The following HECW2 variants were observed in gnomAD, a reference collection of about 807,000 sequenced individuals.
The protein encoded by HECW2 is E3 ubiquitin-protein ligase HECW2.
In HECW2, 61 loss-of-function variants were observed where a neutral mutation model predicts 175.2. That is an observed-to-expected ratio of 0.35 (90% confidence interval 0.28 to 0.43). The LOEUF is 0.43. Ranked by LOEUF, HECW2 falls within the 20% of genes least tolerant of loss-of-function variation. HECW2 has a pLI of 1.00. For synonymous variants in HECW2, 671 were observed against 731.0 expected (o/e 0.92, Z 1.32); for missense variants, 1,524 against 2,000.5 (o/e 0.76, Z 4.54).
chr2:196,216,530 CA>C (rs11295664), intron 27 of HECW2, among the ~76,000 whole-genome samples: 35,534 of 136,156 alleles, frequency 0.26, 4,400 homozygotes, highest in East Asian at 0.46. Context: ...ACACCACACG[CA>C]AAAAAAAAAA....
At chr2:196,560,672 A>T (rs1056794928) in intron 1 of HECW2, among the ~76,000 whole-genome samples, 1 of 152,212 alleles carries the variant, frequency 6.6e-6, no homozygotes, top group Non-Finnish European at 1.5e-5. Context: ...GACTCTGCAG[A>T]CATTTCCTTG....
chr2:196,216,761 C>T (rs1441157857), intron 27 of HECW2, among the ~76,000 whole-genome samples: 1 of 152,242 alleles, frequency 6.6e-6, no homozygotes, highest in South Asian at 2.1e-4. Context: ...GATGTTGTTA[C>T]TGGGATTCTT....
chr2:196,339,003 C>T (rs1217263634), intron 3 of HECW2, among the ~76,000 whole-genome samples: 1 of 152,198 alleles, frequency 6.6e-6, no homozygotes, highest in East Asian at 1.9e-4. Flanking sequence ...AATGGCCAGG[C>T]TTTCCTCTGC....
In HECW2 at chr2:196,195,477, C is replaced by T. The variant is rs112684451; in HGVS notation, c.*5800G>A. On this transcript the variant is annotated 3_prime_UTR_variant, in exon 29 of 29. Coordinates refer to ENST00000644978, the MANE Select transcript of HECW2 (RefSeq NM_001348768.2). ...CTTATTCTGCTGAGCTGTTCAATTA[C>T]GAAAGCCAAATAAACGACTCTGCAG... 4 of 152,150 alleles carry T rather than the reference C, an allele frequency of 2.6e-5. No individual in the cohort carries two copies. The highest frequency in any genetic ancestry group is 1.9e-4 in the East Asian group (1 of 5,190). The allele number at this position is 152,150 out of a possible 1,614,324, so 9.4% of individuals were successfully genotyped here. A position where few individuals can be genotyped will look rare whatever the true frequency, so the allele number is the denominator to read the frequency against.
chr2:196,207,467 G>A (rs1424221377), intron 28 of HECW2, among the ~76,000 whole-genome samples: 2 of 152,162 alleles, frequency 1.3e-5, no homozygotes. Flanking sequence ...GAGGTTTAGA[G>A]CAGAAATTCC....
chr2:196,403,530 T>A (rs975226319), intron 2 of HECW2, among the ~76,000 whole-genome samples: 1 of 152,246 alleles, frequency 6.6e-6, no homozygotes, highest in African/African-American at 2.4e-5. Context: ...TGCAGCTCAT[T>A]TCTGCAAAAT....
At chr2:196,364,299 T>C (rs1693686038) in intron 2 of HECW2, among the ~76,000 whole-genome samples, 1 of 152,236 alleles carries the variant, frequency 6.6e-6, no homozygotes, top group African/African-American at 2.4e-5. Flanking sequence ...TAAGACACTA[T>C]CATAATGGAA....
chr2:196,394,354 T>C (rs1468233273), intron 2 of HECW2, among the ~76,000 whole-genome samples: 1 of 152,164 alleles, frequency 6.6e-6, no homozygotes, highest in Non-Finnish European at 1.5e-5. Flanking sequence ...AGGTGGTAAA[T>C]GTAAAGATAG....
chr2:196,538,384 G>A (rs931336945), intron 1 of HECW2, among the ~76,000 whole-genome samples: 9 of 152,182 alleles, frequency 5.9e-5, no homozygotes, highest in South Asian at 2.1e-4. Context: ...ACTGAACTGC[G>A]GTGAGGGCAG....
chr2:196,309,920 T>C (rs1691422073), intron 10 of HECW2, among the ~76,000 whole-genome samples: 1 of 152,200 alleles, frequency 6.6e-6, no homozygotes, highest in African/African-American at 2.4e-5. Context: ...TTCCATTTTC[T>C]GACAAAAACA....
chr2:196,214,921 C>T (rs1304822532), intron 28 of HECW2, among the ~76,000 whole-genome samples: 1 of 152,090 alleles, frequency 6.6e-6, no homozygotes, highest in African/African-American at 2.4e-5. Flanking sequence ...CCTAATATCA[C>T]TAATAAAATA....
At chr2:196,575,139 A>G (rs1246575230) in intron 1 of HECW2, among the ~76,000 whole-genome samples, 3 of 151,916 alleles carry the variant, frequency 2.0e-5, no homozygotes, top group Non-Finnish European at 1.5e-5. Context: ...TTGCAAAAAA[A>G]AAAATACAAT....
chr2:196,392,175 A>ATGAATAG (rs1694531778), intron 2 of HECW2, among the ~76,000 whole-genome samples: 1 of 152,168 alleles, frequency 6.6e-6, no homozygotes, highest in East Asian at 1.9e-4. Context: ...TTTATCTGTA[A>ATGAATAG]AATAAATTAT....
chr2:196,415,440 T>C (rs1695228325), intron 2 of HECW2, among the ~76,000 whole-genome samples: 1 of 152,226 alleles, frequency 6.6e-6, no homozygotes, highest in Non-Finnish European at 1.5e-5. Context: ...GAAATGATCC[T>C]GGGAGCTTTA....
At chr2:196,448,567 G>A (rs1420851913) in intron 1 of HECW2, among the ~76,000 whole-genome samples, 3 of 152,214 alleles carry the variant, frequency 2.0e-5, no homozygotes, top group Admixed American at 6.5e-5. Context: ...GCCATAAACA[G>A]GAGCCAAGCA....
chr2:196,236,119 C>A (rs529086058), intron 21 of HECW2, among the ~76,000 whole-genome samples: 1 of 152,174 alleles, frequency 6.6e-6, no homozygotes, highest in South Asian at 2.1e-4. Context: ...ACATAAGCAA[C>A]ACAAAATAAT....
At chr2:196,517,687 A>G (rs1449550245) in intron 1 of HECW2, among the ~76,000 whole-genome samples, 1 of 152,224 alleles carries the variant, frequency 6.6e-6, no homozygotes, top group Non-Finnish European at 1.5e-5. Context: ...TTTTAAAATA[A>G]GTTTTCTTAA....
intron 1 of HECW2, among the ~76,000 whole-genome samples, chr2:196,509,660 C>A (rs1210098448): frequency 1.3e-5 from 2 of 152,190 alleles, no homozygotes; most frequent in African/African-American, 4.8e-5. Context: ...TATCACAGTC[C>A]ACTCCTAGTC....
intron 2 of HECW2, among the ~76,000 whole-genome samples, chr2:196,345,238 A>C (rs1050215414): frequency 6.6e-6 from 1 of 152,242 alleles, no homozygotes; most frequent in Non-Finnish European, 1.5e-5. Context: ...GCAATCACTT[A>C]AAAATCACTG....
Sources: allele counts gnomAD v4.1 joint callset (sites outside exome capture counted in the v4.1 genomes callset), GRCh38; gene constraint gnomAD v4.1.1; transcripts MANE v1.5; gene names NCBI Gene and HGNC (gene_info 2026-07-23, HGNC 2026-07-21).